Variants in ITGA9 observed in about 807,000 individuals in gnomAD.
ITGA9 encodes integrin subunit alpha 9.
ITGA9 carries 56 observed loss-of-function variants against 127.8 expected under a neutral mutation model. The ratio of observed to expected loss-of-function variants is 0.44; its 90% CI spans 0.35 to 0.55. The LOEUF is 0.55. Ranked by LOEUF, ITGA9 falls within the 20% of genes least tolerant of loss-of-function variation. ITGA9 has a pLI of 0.00. For missense variants in ITGA9, 1,196 were observed against 1,347.1 expected, an observed-to-expected ratio of 0.89 and a Z score of 1.76; for synonymous variants, 508 against 514.5, an observed-to-expected ratio of 0.99 and a Z score of 0.17.
chr3:37,570,381 G>A (rs1699589051), intron 15 of ITGA9, among the ~76,000 whole-genome samples: 1 of 152,230 alleles, frequency 6.6e-6, no homozygotes, highest in Non-Finnish European at 1.5e-5. Context: ...GCAAAGAGGA[G>A]TTTTGGGACC....
intron 16 of ITGA9, among the ~76,000 whole-genome samples, chr3:37,630,527 A>G (rs916833151): frequency 3.9e-5 from 6 of 152,192 alleles, no homozygotes; most frequent in African/African-American, 9.6e-5. Context: ...TTTGTGCCCC[A>G]TATCATTCAG....
intron 16 of ITGA9, among the ~76,000 whole-genome samples, chr3:37,637,274 G>T (rs1226285521): frequency 6.6e-6 from 1 of 152,202 alleles, no homozygotes; most frequent in Non-Finnish European, 1.5e-5. Flanking sequence ...AGCATGGAAT[G>T]TTCTTCCGTT....
intron 18 of ITGA9, among the ~76,000 whole-genome samples, chr3:37,692,711 A>T (rs768441066): frequency 9.2e-5 from 14 of 152,086 alleles, no homozygotes; most frequent in Non-Finnish European, 1.8e-4. Context: ...ACCAAGATAT[A>T]TAATTGTTCA....
At chr3:37,651,415 G>A (rs1700428533) in intron 16 of ITGA9, among the ~76,000 whole-genome samples, 1 of 152,122 alleles carries the variant, frequency 6.6e-6, no homozygotes, top group African/African-American at 2.4e-5. Context: ...TCTAAGCTGG[G>A]GCATCCACCA....
chr3:37,459,219 C>G (rs1177974689), intron 1 of ITGA9, among the ~76,000 whole-genome samples: 2 of 152,240 alleles, frequency 1.3e-5, no homozygotes, highest in African/African-American at 4.8e-5. Flanking sequence ...GGTACTCATA[C>G]CAGCTCATTT....
chr3:37,671,559 A>T (rs1700637693), intron 17 of ITGA9, among the ~76,000 whole-genome samples: 1 of 152,188 alleles, frequency 6.6e-6, no homozygotes, highest in African/African-American at 2.4e-5. Flanking sequence ...AGATCATCTT[A>T]GTAAATGCTT....
intron 19 of ITGA9, among the ~76,000 whole-genome samples, chr3:37,736,665 A>G (rs1696366348): frequency 6.6e-6 from 1 of 152,218 alleles, no homozygotes; most frequent in Admixed American, 6.5e-5. Flanking sequence ...TAAACGCATC[A>G]CTTCCTAAGG....
At chr3:37,671,711 T>C (rs1700638544) in intron 17 of ITGA9, among the ~76,000 whole-genome samples, 1 of 152,116 alleles carries the variant, frequency 6.6e-6, no homozygotes, top group Non-Finnish European at 1.5e-5. Flanking sequence ...CTGTAAATTT[T>C]AATTGAGGTG....
At chr3:37,804,291 C>T (rs763388311) in intron 27 of ITGA9, among the ~76,000 whole-genome samples, 4 of 152,128 alleles carry the variant, frequency 2.6e-5, no homozygotes, top group Non-Finnish European at 4.4e-5. Flanking sequence ...GATCAGAAGG[C>T]GAACTATAGA....
At chr3:37,622,156 C>T (rs1433184783) in intron 15 of ITGA9, among the ~76,000 whole-genome samples, 6 of 147,848 alleles carry the variant, frequency 4.1e-5, no homozygotes, top group South Asian at 2.1e-4. Flanking sequence ...TTTTTTTCCC[C>T]GGCTCACTGC....
chr3:37,524,859 T>G (rs1241727089), intron 12 of ITGA9, among the ~76,000 whole-genome samples: 1 of 152,218 alleles, frequency 6.6e-6, no homozygotes, highest in Non-Finnish European at 1.5e-5. Flanking sequence ...TTTCTGATCT[T>G]GTGTTTTTCA....
intron 15 of ITGA9, among the ~76,000 whole-genome samples, chr3:37,575,427 T>C (rs1699644711): frequency 6.6e-6 from 1 of 152,120 alleles, no homozygotes; most frequent in African/African-American, 2.4e-5. Flanking sequence ...GTCACAAAAA[T>C]AGCATCAATG....
At chr3:37,537,528 C>T (rs1204649615) in intron 14 of ITGA9, among the ~76,000 whole-genome samples, 2 of 152,230 alleles carry the variant, frequency 1.3e-5, no homozygotes, top group Non-Finnish European at 2.9e-5. Flanking sequence ...CATTGAGTTG[C>T]TGAATCCCTG....
In ITGA9 at chr3:37,532,962, A is replaced by T. The variant is rs536404835; in HGVS notation, c.1374-352A>T. 2.6e-5 allele frequency among the ~76,000 whole-genome samples: 4 copies of T among 152,242 alleles called. No homozygotes were observed. In the South Asian group the frequency reaches 8.3e-4, roughly 32 times the overall value. ...GCATCTGCTATAGGAAATCCTCTTA[A>T]ATGTATTCTTATCTCCCTAATAAAA... On this transcript the variant is annotated intron_variant, in intron 13 of 27. Transcript: ENST00000264741.
At chr3:37,545,117 A>G (rs1377952895) in intron 15 of ITGA9, among the ~76,000 whole-genome samples, 1 of 152,132 alleles carries the variant, frequency 6.6e-6, no homozygotes, top group Non-Finnish European at 1.5e-5. Flanking sequence ...CACCTCCTGG[A>G]GCAGGAACTG....
At chr3:37,797,838 T>G (rs1280348590) in intron 26 of ITGA9, among the ~76,000 whole-genome samples, 2 of 151,248 alleles carry the variant, frequency 1.3e-5, no homozygotes, top group East Asian at 3.9e-4. Flanking sequence ...TGATTACAGG[T>G]GTGCGCCACC....
At chr3:37,710,827 C>T (rs759685186) in intron 18 of ITGA9, among the ~76,000 whole-genome samples, 2 of 152,220 alleles carry the variant, frequency 1.3e-5, no homozygotes, top group African/African-American at 2.4e-5. Context: ...GCTCTGGCCT[C>T]GCAGCCAGCT....
rs1159993737 is a variant in ITGA9 at position 37,747,140 on chromosome 3, T to C, written c.2433+3106T>C. Among the ~76,000 whole-genome samples the C allele has an allele frequency of 9.8e-5, 15 of 152,358 alleles. 1 individual carries two copies. Among genetic ancestry groups the C allele is most frequent in the East Asian group, 9.6e-4 (5 of 5,196 alleles). On this transcript the variant is annotated intron_variant, in intron 22 of 27. Transcript: ENST00000264741. ...TAAAAATAACACCTTTATTGAGATA[T>C]GATTACATACCTTAAAGTTCACCCA... is the stretch of plus-strand genomic sequence containing the variant.
chr3:37,516,679 G>A (rs1698986938), intron 9 of ITGA9, among the ~76,000 whole-genome samples: 1 of 152,132 alleles, frequency 6.6e-6, no homozygotes, highest in South Asian at 2.1e-4. Flanking sequence ...ACTTGGTCAT[G>A]ATAAAAGCCA....
Sources: allele counts gnomAD v4.1 joint callset (sites outside exome capture counted in the v4.1 genomes callset), GRCh38; gene constraint gnomAD v4.1.1; transcripts MANE v1.5; gene names NCBI Gene and HGNC (gene_info 2026-07-23, HGNC 2026-07-21).